CYLC1: variants seen among roughly 807,000 people sequenced by gnomAD.
CYLC1 encodes the protein cylicin 1.
A neutral mutation model predicts 31.6 loss-of-function variants in CYLC1; 2 were observed. That is an observed-to-expected ratio of 0.06 (90% CI 0.03 to 0.20). CYLC1 has a LOEUF of 0.20. Among genes scored for constraint, CYLC1 ranks in the 10% least tolerant of loss-of-function variants. The probability of loss-of-function intolerance (pLI) is 1.00; values close to 1 mark genes in which losing one functional copy is unlikely to be tolerated. For synonymous variants in CYLC1, 185 were observed against 153.0 expected (o/e 1.21, Z -1.54); for missense variants, 595 against 424.1 (o/e 1.40, Z -3.54).
chrX:83,872,235 T>A (rs1204612569), intron 3 of CYLC1, among the ~76,000 whole-genome samples: 1 of 111,442 alleles, frequency 9.0e-6, no homozygotes, highest in Non-Finnish European at 1.9e-5. Context: ...TTTATGGTTA[T>A]TTATGACTAC....
chrX:83,865,878 C>A (rs2031585850), intron 1 of CYLC1, among the ~76,000 whole-genome samples: 1 of 111,563 alleles, frequency 9.0e-6, no homozygotes, highest in African/African-American at 3.3e-5. Context: ...TTCAAAACTT[C>A]CAGGGATTAG....
intron 4 of CYLC1, among the ~76,000 whole-genome samples, chrX:83,875,624 A>G: frequency 9.0e-6 from 1 of 111,360 alleles, no homozygotes; most frequent in East Asian, 2.8e-4. Context: ...TGTAGGAAAG[A>G]CCTGCCCCCA....
intron 2 of CYLC1, 120 bp from the exon 3 acceptor site, chrX:83,871,332 T>A: frequency 2.4e-6 from 1 of 414,348 alleles, no homozygotes; most frequent in South Asian, 6.5e-5. Context: ...GAGGAAAAAA[T>A]CTATATTTTA....
chrX:83,871,632 T>C (rs1602302819), intron 3 of CYLC1, 62 bp downstream of exon 3: 2 of 1,042,920 alleles, frequency 1.9e-6, no homozygotes, highest in Non-Finnish European at 2.6e-6. Flanking sequence ...TATATAAATA[T>C]AAGTAAGGCC....
At chrX:83,866,416 G>T (rs978536885) in intron 1 of CYLC1, among the ~76,000 whole-genome samples, 7 of 110,961 alleles carry the variant, frequency 6.3e-5, no homozygotes, top group African/African-American at 2.3e-4. Context: ...TCTATCCTCA[G>T]AGTTAGCCAT....
intron 4 of CYLC1, among the ~76,000 whole-genome samples, chrX:83,883,563 CCTT>C (rs780021002): frequency 9.0e-6 from 1 of 111,661 alleles, no homozygotes; most frequent in Non-Finnish European, 1.9e-5. Context: ...AATAAAATAA[CCTT>C]CTCTGAAAAT....
rs749514414 is a variant in CYLC1, at chrX:83,871,580, GAA to G, written c.177+14_177+15del. On this transcript the variant is annotated intron_variant, in intron 3 of 4. Transcript: ENST00000329312. ...ACAAATAACAGTTACTGTAAGTATA[GAA>G]AAAGTCATTTTTAAAAACGAAATCT... The G allele has an allele frequency of 1.2e-4, 142 of 1,170,272 alleles. No individual in the cohort carries two copies. The African/African-American group carries it at 2.2e-3, about 18-fold the overall frequency.
At position 83,882,177 on chromosome X, in the gene CYLC1, G is replaced by A. The variant is rs1392999133; in HGVS notation, c.1924-4375G>A. On this transcript the variant is annotated intron_variant, in intron 4 of 4. Coordinates refer to ENST00000329312, the MANE Select transcript of CYLC1 (RefSeq NM_021118.3). The stretch of plus-strand genomic sequence containing the variant: ...CTCTGCTGGTTATTTCCATATCTCT[G>A]AATAATATATTTATATGACTACTTC... 2.7e-5 allele frequency among the ~76,000 whole-genome samples: 3 copies of A among 110,506 alleles called. No individual in the cohort carries two copies. In the East Asian group the frequency reaches 8.6e-4, roughly 32 times the overall value.
rs10669192 is a variant in CYLC1, at chrX:83,877,914, A to ATATTTATATATATATAAATATATATT, written c.1923+3286_1923+3287insTTATATATATATAAATATATATTTAT. On this transcript the variant is annotated intron_variant, in intron 4 of 4. Coordinates refer to ENST00000329312, the MANE Select transcript of CYLC1 (RefSeq NM_021118.3). ...TATATATACAAATATATATAAATAT[A>ATATTTATATATATATAAATATATATT]TATATATATATAAATATAAATATAT... is the stretch of plus-strand genomic sequence containing the variant. 3.4e-4 allele frequency among the ~76,000 whole-genome samples: 22 copies of ATATTTATATATATATAAATATATATT among 64,390 alleles called. 2 individuals carry two copies. Among genetic ancestry groups the ATATTTATATATATATAAATATATATT allele is most frequent in the African/African-American group, 1.1e-3 (19 of 17,526 alleles). 55.9% of individuals were successfully genotyped at this position (64,390 alleles called of 115,157 possible).
intron 4 of CYLC1, among the ~76,000 whole-genome samples, chrX:83,877,295 A>G (rs2031779301): frequency 9.0e-6 from 1 of 110,970 alleles, no homozygotes; most frequent in Non-Finnish European, 1.9e-5. Flanking sequence ...ATTAGCATCT[A>G]GCTATCCATT....
At chrX:83,866,406 T>G (rs2031593813) in intron 1 of CYLC1, among the ~76,000 whole-genome samples, 1 of 111,354 alleles carries the variant, frequency 9.0e-6, no homozygotes, top group Admixed American at 9.6e-5. Context: ...GGCTTTCAGC[T>G]CTATCCTCAG....
chrX:83,872,063 A>C, intron 3 of CYLC1, among the ~76,000 whole-genome samples: 1 of 111,234 alleles, frequency 9.0e-6, no homozygotes, highest in African/African-American at 3.2e-5. Flanking sequence ...CCCAGAGCAA[A>C]GTTACAGTCA....
At chrX:83,878,005 A>AAT (rs1333963385) in intron 4 of CYLC1, among the ~76,000 whole-genome samples, 1 of 68,190 alleles carries the variant, frequency 1.5e-5, no homozygotes, top group African/African-American at 5.8e-5. Flanking sequence ...TTTGTATATA[A>AAT]ATATATATAT....
At chrX:83,862,522 G>A (rs2031528419) in intron 1 of CYLC1, among the ~76,000 whole-genome samples, 1 of 111,238 alleles carries the variant, frequency 9.0e-6, no homozygotes, top group East Asian at 2.8e-4. Flanking sequence ...CCGCCTGGGC[G>A]ACAGAGCGAG....
intron 2 of CYLC1, 120 bp downstream of exon 2, chrX:83,870,025 AT>A: frequency 2.7e-6 from 1 of 368,794 alleles, no homozygotes; most frequent in Non-Finnish European, 4.0e-6. Flanking sequence ...TTTTATAAAA[AT>A]TTTATAAAAG....
Position 83,874,496 on chromosome X carries a change from T to C in CYLC1, c.1788T>C (p.Ser596=). ...TTFNEKGEKA[S]TGRVPPSREK... Reference sequence around the variant, plus strand: ...TCAATGAAAAAGGGGAAAAAGCAAGTACAGGTAGAGTTCCTCCATCAAGAG... The same window carrying C: ...TCAATGAAAAAGGGGAAAAAGCAAGCACAGGTAGAGTTCCTCCATCAAGAG... The change falls in exon 4 of 5, where the codon AGT becomes AGC. Residue 596 remains serine, a synonymous_variant. Coordinates refer to ENST00000329312, the MANE Select transcript of CYLC1 (RefSeq NM_021118.3). 8.3e-7 allele frequency: 1 copy of C among 1,209,723 alleles called. No homozygotes were observed. The highest frequency in any genetic ancestry group is 1.1e-6 in the Non-Finnish European group (1 of 894,560).
intron 4 of CYLC1, among the ~76,000 whole-genome samples, chrX:83,882,821 T>G (rs1282091147): frequency 9.0e-6 from 1 of 111,138 alleles, no homozygotes; most frequent in African/African-American, 3.3e-5. Flanking sequence ...GTCTATTAGC[T>G]CCTATATTCA....
intron 3 of CYLC1, 106 bp from the exon 4 acceptor site, chrX:83,872,780 A>G (rs1178792247): frequency 3.1e-6 from 2 of 650,462 alleles, no homozygotes; most frequent in Non-Finnish European, 4.4e-6. Context: ...AGAGAAAAAA[A>G]CTAAGTTTAA....
intron 4 of CYLC1, among the ~76,000 whole-genome samples, chrX:83,881,263 A>T (rs1277198652): frequency 9.0e-6 from 1 of 111,184 alleles, no homozygotes; most frequent in African/African-American, 3.3e-5. Context: ...AACTTGGTTC[A>T]CTTTATACTT....
Sources: gnomAD v4.1 joint callset for allele counts (sites outside exome capture counted in the v4.1 genomes callset) on GRCh38, gnomAD v4.1.1 for gene constraint, MANE v1.5 for transcripts, NCBI Gene and HGNC (gene_info 2026-07-23, HGNC 2026-07-21) for gene names.